The following PRKCH variants were observed in gnomAD, a reference collection of about 807,000 sequenced individuals.
PRKCH encodes protein kinase C eta type.
A neutral mutation model predicts 82.5 loss-of-function variants in PRKCH; 28 were observed. The ratio of observed to expected loss-of-function variants is 0.34; its 90% confidence interval spans 0.25 to 0.47. The LOEUF (loss-of-function observed/expected upper bound fraction) is 0.47, where lower values mean the gene tolerates loss of function less well. PRKCH is among the 20% of genes least tolerant of loss of function. The probability of loss-of-function intolerance (pLI) is 1.00; values close to 1 mark genes in which losing one functional copy is unlikely to be tolerated. For synonymous variants in PRKCH, 322 were observed against 327.4 expected, an observed-to-expected ratio of 0.98 and a Z score of 0.18; for missense variants, 705 against 881.8, an observed-to-expected ratio of 0.80 and a Z score of 2.54.
chr14:61,545,481 G>C (rs1423535061), intron 12 of PRKCH, among the ~76,000 whole-genome samples: 7 of 152,146 alleles, frequency 4.6e-5, no homozygotes, highest in African/African-American at 9.7e-5. Flanking sequence ...GAAACCCCTA[G>C]TGTGCTGCCT....
At chr14:61,221,283 C>T (rs926922261) in intron 1 of PRKCH, among the ~76,000 whole-genome samples, 16 of 152,244 alleles carry the variant, frequency 1.1e-4, no homozygotes, top group African/African-American at 3.1e-4. Context: ...TCTTTGGAGG[C>T]TTGCTTCTCT....
chr14:61,492,847 C>G (rs967926566), intron 10 of PRKCH, among the ~76,000 whole-genome samples: 4 of 152,136 alleles, frequency 2.6e-5, no homozygotes, highest in African/African-American at 9.7e-5. Context: ...GCCACTTGCC[C>G]TAAGATGGAT....
At chr14:61,543,182 C>A (rs764095013) in intron 12 of PRKCH, among the ~76,000 whole-genome samples, 42 of 152,218 alleles carry the variant, frequency 2.8e-4, no homozygotes, top group Non-Finnish European at 4.9e-4. Flanking sequence ...CATTCCTATA[C>A]AAACTTGGCC....
chr14:61,247,328 G>A lies in PRKCH; in HGVS notation c.-19+59660G>A, dbSNP rs182993830. ...TACAGATACTTCATTATTGTTACTA[G>A]GTTTCTCTATATGTTCAATGTATAC... On this transcript the variant is annotated intron_variant, in intron 1 of 3. Coordinates refer to the PRKCH transcript ENST00000555185. Among the ~76,000 whole-genome samples, 18 of 151,706 alleles carry A rather than the reference G, an allele frequency of 1.2e-4. No homozygotes were observed. In the East Asian group the frequency reaches 2.7e-3, roughly 23 times the overall value.
At chr14:61,380,213 C>A (rs2046484132) in intron 1 of PRKCH, among the ~76,000 whole-genome samples, 1 of 151,988 alleles carries the variant, frequency 6.6e-6, no homozygotes, top group Admixed American at 6.6e-5. Context: ...TGCATGCCAC[C>A]ACACCTGGCT....
chr14:61,444,835 T>C (rs1021539625), intron 3 of PRKCH, among the ~76,000 whole-genome samples: 2 of 152,214 alleles, frequency 1.3e-5, no homozygotes, highest in African/African-American at 4.8e-5. Context: ...CCAGGCACTA[T>C]TGTGAGCATT....
chr14:61,233,650 G>T (rs1442743338), intron 1 of PRKCH, among the ~76,000 whole-genome samples: 1 of 152,062 alleles, frequency 6.6e-6, no homozygotes, highest in Non-Finnish European at 1.5e-5. Context: ...TCATGAGGGT[G>T]GTTACCCTCA....
intron 5 of PRKCH, among the ~76,000 whole-genome samples, chr14:61,449,856 G>GTCTCTCTCTCTCTCTCTCTC (rs149977373): frequency 3.5e-5 from 5 of 142,302 alleles, no homozygotes; most frequent in African/African-American, 1.4e-4. Context: ...CAGGGAAGAT[G>GTCTCTCTCTCTCTCTCTCTC]TCTCTCTCTC....
intron 1 of PRKCH, among the ~76,000 whole-genome samples, chr14:61,218,979 A>G (rs1180846936): frequency 6.6e-6 from 1 of 152,214 alleles, no homozygotes; most frequent in Admixed American, 6.5e-5. Flanking sequence ...GGCTGGCAGG[A>G]GAAGCTGACC....
chr14:61,452,819 T>G (rs1884572982), intron 6 of PRKCH: 1 of 210,160 alleles, frequency 4.8e-6, no homozygotes, highest in African/African-American at 2.4e-5. Context: ...TGCTACCTTT[T>G]ATTTCACTGT....
intron 9 of PRKCH, among the ~76,000 whole-genome samples, chr14:61,478,674 C>A (rs1457806443): frequency 2.0e-5 from 3 of 152,086 alleles, no homozygotes; most frequent in Non-Finnish European, 4.4e-5. Context: ...TCAAGACCAG[C>A]CTGTGCAACA....
intron 1 of PRKCH, among the ~76,000 whole-genome samples, chr14:61,269,937 T>G (rs1317966906): frequency 3.9e-5 from 6 of 152,288 alleles, no homozygotes; most frequent in Middle Eastern, 3.4e-3. Flanking sequence ...AGTTGAATCC[T>G]TTTCTCAGTT....
At chr14:61,392,111 T>C (rs1374184959) in intron 2 of PRKCH, among the ~76,000 whole-genome samples, 1 of 152,186 alleles carries the variant, frequency 6.6e-6, no homozygotes, top group Admixed American at 6.5e-5. Flanking sequence ...TTCTGAGTAG[T>C]AGTATCCCAT....
intron 9 of PRKCH, among the ~76,000 whole-genome samples, chr14:61,476,957 C>G (rs761716483): frequency 5.3e-5 from 8 of 152,174 alleles, no homozygotes; most frequent in Non-Finnish European, 8.8e-5. Context: ...AAGTTATTTC[C>G]AGTTCAGACA....
intron 1 of PRKCH, among the ~76,000 whole-genome samples, chr14:61,357,129 A>AT (rs2046161126): frequency 6.6e-6 from 1 of 152,344 alleles, no homozygotes; most frequent in East Asian, 1.9e-4. Context: ...ATATCTGCAC[A>AT]TCTGCCATCT....
At chr14:61,324,807 A>G (rs2045673524) in intron 1 of PRKCH, among the ~76,000 whole-genome samples, 1 of 152,216 alleles carries the variant, frequency 6.6e-6, no homozygotes, top group Admixed American at 6.5e-5. Context: ...ATTTATCTTT[A>G]GTATTTTAAA....
chr14:61,406,185 AAC>A (rs1881937284), intron 2 of PRKCH, among the ~76,000 whole-genome samples: 1 of 115,932 alleles, frequency 8.6e-6, no homozygotes, highest in South Asian at 2.7e-4. Flanking sequence ...CTAGTTGAAA[AAC>A]ACATACAGGA....
At chr14:61,194,570 A>T (rs2044428739) in intron 1 of PRKCH, among the ~76,000 whole-genome samples, 1 of 152,202 alleles carries the variant, frequency 6.6e-6, no homozygotes, top group South Asian at 2.1e-4. Context: ...GAACTGTGAG[A>T]AATAAATTTT....
At position 61,450,927 on chromosome 14, in the gene PRKCH, G is replaced by T; in HGVS notation, c.788G>T (p.Gly263Val). 1 of 1,614,086 alleles carries T rather than the reference G, an allele frequency of 6.2e-7. No individual in the cohort carries two copies. Among genetic ancestry groups the T allele is most frequent in the East Asian group, 2.2e-5 (1 of 44,884 alleles). The change falls in exon 6 of 14, where the codon GGC becomes GTC. Residue 263 changes from glycine (G) to valine (V), a missense_variant. Gly to Val is a moderately radical substitution (Grantham distance 109). Transcript: ENST00000332981. ...YKVPTFCDHC[G>V]SLLWGIMRQG... Reference sequence around the variant, plus strand: ...GTGCCAACATTCTGCGATCACTGTGGCTCACTGCTCTGGGGAATAATGCGA... The same window carrying T: ...GTGCCAACATTCTGCGATCACTGTGTCTCACTGCTCTGGGGAATAATGCGA...
Sources: allele counts gnomAD v4.1 joint callset (sites outside exome capture counted in the v4.1 genomes callset), GRCh38; gene constraint gnomAD v4.1.1; transcripts MANE v1.5; gene names NCBI Gene and HGNC (gene_info 2026-07-23, HGNC 2026-07-21).